BCKDHB: variants seen among roughly 807,000 people sequenced by gnomAD.
BCKDHB encodes 2-oxoisovalerate dehydrogenase subunit beta, mitochondrial.
BCKDHB carries 41 observed loss-of-function variants against 48.5 expected under a neutral mutation model. The ratio of observed to expected loss-of-function variants is 0.85; its 90% CI spans 0.66 to 1.10. The LOEUF is 1.10. Among genes scored for constraint, BCKDHB ranks in the 50% least tolerant of loss-of-function variants. BCKDHB has a pLI of 0.00. For missense variants in BCKDHB, 496 were observed against 494.2 expected, an observed-to-expected ratio of 1.00 and a Z score of -0.03; for synonymous variants, 201 against 174.8, an observed-to-expected ratio of 1.15 and a Z score of -1.18.
At chr6:80,451,676 C>T in the BCKDHB span, among the ~76,000 whole-genome samples, 15 of 150,758 alleles carry the variant, frequency 9.9e-5, no homozygotes, top group Admixed American at 5.3e-4. Context: ...TTGCAATGAG[C>T]GGAGATCACA....
the BCKDHB span, among the ~76,000 whole-genome samples, chr6:80,465,026 T>C: frequency 0.058 from 8,903 of 152,270 alleles, 819 homozygotes; most frequent in African/African-American, 0.2. Context: ...GCCCAGGTTT[T>C]TTTCCCTGCC....
chr6:80,455,524 G>T, the BCKDHB span, among the ~76,000 whole-genome samples: 1 of 150,366 alleles, frequency 6.7e-6, no homozygotes. Flanking sequence ...AGTCTTGTAG[G>T]GCTTAGACTC....
At chr6:80,374,671 G>T in the BCKDHB span, 8 of 428,666 alleles carry the variant, frequency 1.9e-5, no homozygotes, top group Admixed American at 1.8e-4. Context: ...GAGATTTGAG[G>T]TACTATTCTA....
chr6:80,287,689 TA>T (rs1327758387), intron 9 of BCKDHB, among the ~76,000 whole-genome samples: 1 of 152,124 alleles, frequency 6.6e-6, no homozygotes, highest in Non-Finnish European at 1.5e-5. Flanking sequence ...GGCTTTTATA[TA>T]AAAGCTTGAT....
chr6:80,446,016 A>C, the BCKDHB span, among the ~76,000 whole-genome samples: 1 of 152,176 alleles, frequency 6.6e-6, no homozygotes, highest in Non-Finnish European at 1.5e-5. Context: ...AATACAGCTG[A>C]TGTGTAAGGT....
intron 1 of BCKDHB, among the ~76,000 whole-genome samples, chr6:80,116,647 C>T (rs1769719872): frequency 1.3e-5 from 2 of 152,176 alleles, no homozygotes; most frequent in African/African-American, 4.8e-5. Context: ...AGCCACAGAG[C>T]CCTGTTTTAA....
chr6:80,345,215 A>G lies in BCKDHB; in HGVS notation c.*1411A>G, dbSNP rs1770141392. The G allele has an allele frequency of 6.6e-6, 1 of 152,218 alleles. No homozygotes were observed. Among genetic ancestry groups the G allele is most frequent in the African/African-American group, 2.4e-5 (1 of 41,450 alleles). 9.4% of individuals were successfully genotyped at this position (152,218 alleles called of 1,614,324 possible). A position where few individuals can be genotyped will look rare whatever the true frequency, so the allele number is the denominator to read the frequency against. The stretch of plus-strand genomic sequence containing the variant: ...ATATAGAAGTTACTAGCACTGACAC[A>G]CTGATTTTGAAATGTTTCAAAATGA... On this transcript the variant is annotated 3_prime_UTR_variant, in exon 10 of 10. Transcript: ENST00000320393.
At chr6:80,165,222 C>T (rs78190977) in intron 3 of BCKDHB, among the ~76,000 whole-genome samples, 4 of 152,218 alleles carry the variant, frequency 2.6e-5, no homozygotes, top group African/African-American at 7.2e-5. Flanking sequence ...CTGGAATTTA[C>T]GTTCATTTTC....
chr6:80,118,523 TAA>T (rs899385167), intron 1 of BCKDHB, among the ~76,000 whole-genome samples: 3 of 143,802 alleles, frequency 2.1e-5, no homozygotes, highest in Non-Finnish European at 1.5e-5. Flanking sequence ...GCAACTTCAT[TAA>T]AAAAAAAAAA....
intron 8 of BCKDHB, among the ~76,000 whole-genome samples, chr6:80,250,493 G>A (rs1269850048): frequency 6.6e-6 from 1 of 152,124 alleles, no homozygotes. Flanking sequence ...GAAATGGGAG[G>A]GAAAAGGGAG....
chr6:80,230,284 C>T (rs932292883), intron 8 of BCKDHB, among the ~76,000 whole-genome samples: 6 of 151,504 alleles, frequency 4.0e-5, no homozygotes, highest in Middle Eastern at 6.8e-3. Flanking sequence ...GTGATCCGCC[C>T]GCCTCGGCCT....
chr6:80,450,229 T>C, the BCKDHB span, among the ~76,000 whole-genome samples: 1 of 152,202 alleles, frequency 6.6e-6, no homozygotes, highest in Non-Finnish European at 1.5e-5. Flanking sequence ...TCCCAGCCCT[T>C]CCTAAAATGA....
intron 1 of BCKDHB, among the ~76,000 whole-genome samples, chr6:80,115,290 G>A (rs751907490): frequency 6.6e-5 from 10 of 152,088 alleles, no homozygotes; most frequent in Non-Finnish European, 1.3e-4. Context: ...TGGGACTATC[G>A]TCACGTACTA....
chr6:80,332,238 A>G (rs759128040), intron 9 of BCKDHB, among the ~76,000 whole-genome samples: 114 of 152,212 alleles, frequency 7.5e-4, no homozygotes, highest in South Asian at 1.0e-3. Context: ...GGCTGTGCCA[A>G]TAACCACCAC....
At chr6:80,310,571 A>G (rs1017450600) in intron 9 of BCKDHB, among the ~76,000 whole-genome samples, 10 of 152,200 alleles carry the variant, frequency 6.6e-5, no homozygotes, top group Non-Finnish European at 1.5e-4. Flanking sequence ...ATATGTGTGC[A>G]TGTATCTTTA....
chr6:80,277,175 A>G (rs987306170), intron 9 of BCKDHB, among the ~76,000 whole-genome samples: 1 of 152,110 alleles, frequency 6.6e-6, no homozygotes, highest in Admixed American at 6.5e-5. Flanking sequence ...TGCAATGACT[A>G]TAGAGTTTAG....
chr6:80,352,072 C>T, the BCKDHB span, among the ~76,000 whole-genome samples: 2 of 152,046 alleles, frequency 1.3e-5, no homozygotes, highest in Admixed American at 6.5e-5. Flanking sequence ...CTGCCCGCCT[C>T]GGCCTCCCAA....
intron 9 of BCKDHB, among the ~76,000 whole-genome samples, chr6:80,333,941 A>C (rs1332688717): frequency 6.6e-6 from 1 of 152,132 alleles, no homozygotes; most frequent in East Asian, 1.9e-4. Flanking sequence ...AAATTTGTCT[A>C]TACTGAGCAT....
At chr6:80,197,545 C>T (rs1293736059) in intron 6 of BCKDHB, among the ~76,000 whole-genome samples, 7 of 152,216 alleles carry the variant, frequency 4.6e-5, no homozygotes, top group East Asian at 3.9e-4. Context: ...AGGAAATGGG[C>T]CAAGATGCCA....
Sources: allele counts gnomAD v4.1 joint callset (sites outside exome capture counted in the v4.1 genomes callset), GRCh38; gene constraint gnomAD v4.1.1; transcripts MANE v1.5; gene names NCBI Gene and HGNC (gene_info 2026-07-23, HGNC 2026-07-21).